Variants in TCF12 observed in about 807,000 individuals in gnomAD.
TCF12 encodes transcription factor 12, also known as DNA-binding protein HTF4.
TCF12 carries 45 observed loss-of-function variants against 86.0 expected under a neutral mutation model. The observed-to-expected ratio is 0.52, with a 90% CI of 0.41 to 0.67. The LOEUF (loss-of-function observed/expected upper bound fraction) is 0.67, where lower values mean the gene tolerates loss of function less well. TCF12 is among the 30% of genes least tolerant of loss of function. The pLI is 0.00. For synonymous variants in TCF12, 330 were observed against 299.6 expected, an observed-to-expected ratio of 1.10 and a Z score of -1.05; for missense variants, 881 against 859.9, an observed-to-expected ratio of 1.02 and a Z score of -0.31.
intron 4 of TCF12, among the ~76,000 whole-genome samples, chr15:57,072,407 G>A (rs1351945577): frequency 6.6e-6 from 1 of 152,170 alleles, no homozygotes; most frequent in Non-Finnish European, 1.5e-5. Context: ...AAATCGAGTT[G>A]TGTGAATAAA....
At position 57,232,729 on chromosome 15, in the gene TCF12, A is replaced by G; in HGVS notation, c.843A>G (p.Ser281=). ...CCATCTAGAGTTATCCTCCACACTCAGTTTCACCAACAGACATAAACACGA... is the reference window on the plus strand; with the variant it reads ...CCATCTAGAGTTATCCTCCACACTCGGTTTCACCAACAGACATAAACACGA... ...SHDRLSYPPH[S]VSPTDINTSL... The change falls in exon 11 of 21, where the codon TCA becomes TCG. Residue 281 remains serine (S), a synonymous_variant. Coordinates refer to ENST00000333725, the MANE Select transcript of TCF12 (RefSeq NM_207037.2). 6.2e-7 allele frequency: 1 copy of G among 1,612,024 alleles called. No individual in the cohort carries two copies. The highest frequency in any genetic ancestry group is 8.5e-7 in the Non-Finnish European group (1 of 1,179,090).
At chr15:56,986,841 C>G (rs1196054086) in intron 3 of TCF12, among the ~76,000 whole-genome samples, 3 of 152,072 alleles carry the variant, frequency 2.0e-5, no homozygotes, top group African/African-American at 7.2e-5. Context: ...AAGTATAATT[C>G]TGACAAAATT....
At chr15:56,999,197 CAAA>C (rs74265779) in intron 3 of TCF12, among the ~76,000 whole-genome samples, 1 of 101,720 alleles carries the variant, frequency 9.8e-6, no homozygotes. Flanking sequence ...GACTCCATCT[CAAA>C]AAAAAAAAAG....
intron 19 of TCF12, among the ~76,000 whole-genome samples, chr15:57,280,666 T>G (rs2061645284): frequency 1.3e-5 from 2 of 151,932 alleles, no homozygotes; most frequent in Non-Finnish European, 2.9e-5. Context: ...GCCCAGGAGT[T>G]CAAGGCAAGT....
chr15:56,963,805 A>G (rs1019183863), intron 3 of TCF12, among the ~76,000 whole-genome samples: 15 of 152,204 alleles, frequency 9.9e-5, no homozygotes, highest in African/African-American at 3.1e-4. Flanking sequence ...GTGCTAGGCT[A>G]TGCCCTGTGT....
chr15:57,227,899 G>A (rs1401068495), intron 8 of TCF12, among the ~76,000 whole-genome samples: 1 of 151,890 alleles, frequency 6.6e-6, no homozygotes, highest in African/African-American at 2.4e-5. Flanking sequence ...TTTGACTCCT[G>A]GTAGATTTTA....
intron 3 of TCF12, among the ~76,000 whole-genome samples, chr15:57,044,894 C>T (rs2067129572): frequency 2.0e-5 from 3 of 152,106 alleles, no homozygotes; most frequent in South Asian, 2.1e-4. Context: ...CTTGCTTGAT[C>T]GTTTGTGGTA....
intron 3 of TCF12, among the ~76,000 whole-genome samples, chr15:56,924,175 A>T (rs2059908412): frequency 6.6e-6 from 1 of 152,110 alleles, no homozygotes; most frequent in African/African-American, 2.4e-5. Flanking sequence ...CTATACAGAG[A>T]TTCTATATAC....
At chr15:56,931,566 G>A (rs2060250763) in intron 3 of TCF12, among the ~76,000 whole-genome samples, 1 of 152,178 alleles carries the variant, frequency 6.6e-6, no homozygotes, top group Non-Finnish European at 1.5e-5. Flanking sequence ...AAGATACTTT[G>A]CTGTAGGGAA....
At chr15:57,149,299 A>C (rs1429798156) in intron 5 of TCF12, among the ~76,000 whole-genome samples, 1 of 152,198 alleles carries the variant, frequency 6.6e-6, no homozygotes, top group African/African-American at 2.4e-5. Context: ...TTAAAGACCT[A>C]CACAACAAAA....
chr15:57,087,227 A>G (rs1238060884), intron 4 of TCF12, among the ~76,000 whole-genome samples: 1 of 151,848 alleles, frequency 6.6e-6, no homozygotes, highest in Non-Finnish European at 1.5e-5. Context: ...AGCCTGGACA[A>G]CATAGGAGAC....
intron 19 of TCF12, among the ~76,000 whole-genome samples, chr15:57,275,833 C>G (rs556787685): frequency 5.5e-4 from 84 of 152,296 alleles, no homozygotes; most frequent in Non-Finnish European, 9.7e-4. Context: ...AGGAGGCAAG[C>G]AGACCCAGGT....
chr15:57,288,645 C>G lies in TCF12; in HGVS notation c.*2500C>G, dbSNP rs2062008410. On this transcript the variant is annotated 3_prime_UTR_variant, in exon 21 of 21. Transcript: ENST00000333725. ...GCATTACCGACATTATCTGGGAAAC[C>G]CTTCAGGACAGAATCAGGCTTGTGG... 1.3e-5 allele frequency: 2 copies of G among 152,248 alleles called. No homozygotes were observed. The highest frequency in any genetic ancestry group is 1.3e-4 in the Admixed American group (2 of 15,270). The allele number at this position is 152,248 out of a possible 1,614,324, so 9.4% of individuals were successfully genotyped here.
At chr15:57,241,703 T>C (rs1241657479) in intron 12 of TCF12, among the ~76,000 whole-genome samples, 3 of 152,100 alleles carry the variant, frequency 2.0e-5, no homozygotes, top group Non-Finnish European at 4.4e-5. Context: ...TTTTAAAAAA[T>C]GAAATCTGGT....
chr15:57,091,970 G>A, intron 5 of TCF12, 79 bp downstream of exon 5: 1 of 1,181,068 alleles, frequency 8.5e-7, no homozygotes, highest in Non-Finnish European at 1.2e-6. Flanking sequence ...TGTCCAGGAG[G>A]GACAGGTAAG....
At chr15:57,013,602 T>G (rs1225881803) in intron 3 of TCF12, among the ~76,000 whole-genome samples, 1 of 152,192 alleles carries the variant, frequency 6.6e-6, no homozygotes, top group African/African-American at 2.4e-5. Flanking sequence ...ATTATAGGTG[T>G]GAGCCACTGC....
In TCF12 at chr15:56,983,718, G is replaced by A. The variant is rs374602796; in HGVS notation, c.148+62620G>A. Among the ~76,000 whole-genome samples the A allele has an allele frequency of 4.6e-5, 7 of 151,932 alleles. No homozygotes were observed. In the East Asian group the frequency reaches 1.2e-3, roughly 25 times the overall value. Reference sequence around the variant, plus strand: ...TGTGGATTTTAGGATTTTGTTCAAGGGGCTAGGCACGGTGGCTCAAACCTG... The same window carrying A: ...TGTGGATTTTAGGATTTTGTTCAAGAGGCTAGGCACGGTGGCTCAAACCTG... On this transcript the variant is annotated intron_variant, in intron 3 of 20. Coordinates refer to ENST00000333725, the MANE Select transcript of TCF12 (RefSeq NM_207037.2).
At chr15:57,153,819 C>A (rs1437013036) in intron 5 of TCF12, among the ~76,000 whole-genome samples, 3 of 151,604 alleles carry the variant, frequency 2.0e-5, no homozygotes, top group Non-Finnish European at 4.4e-5. Context: ...GGCAGGAGTT[C>A]CAGACCAGCT....
intron 3 of TCF12, among the ~76,000 whole-genome samples, chr15:57,035,472 G>A (rs1251463531): frequency 3.9e-5 from 6 of 152,110 alleles, no homozygotes; most frequent in African/African-American, 9.7e-5. Context: ...TCACTATGTT[G>A]TGTAGGCTGA....
Sources: allele counts gnomAD v4.1 joint callset (sites outside exome capture counted in the v4.1 genomes callset), GRCh38; gene constraint gnomAD v4.1.1; transcripts MANE v1.5; gene names NCBI Gene and HGNC (gene_info 2026-07-23, HGNC 2026-07-21).